The following CCDC141 variants were observed in gnomAD, a reference collection of about 807,000 sequenced individuals.
CCDC141 encodes coiled-coil domain-containing protein 141.
A neutral mutation model predicts 181.0 loss-of-function variants in CCDC141; 168 were observed. The observed-to-expected ratio is 0.93, with a 90% CI of 0.82 to 1.05. The LOEUF is 1.05. Ranked by LOEUF, CCDC141 falls within the 50% of genes least tolerant of loss-of-function variation. The pLI is 0.00. For missense variants in CCDC141, 1,902 were observed against 1,788.5 expected (o/e 1.06, Z -1.14); for synonymous variants, 666 against 642.3 (o/e 1.04, Z -0.56).
chr2:178,927,866 G>A (rs1264422390), intron 6 of CCDC141, among the ~76,000 whole-genome samples: 1 of 152,150 alleles, frequency 6.6e-6, no homozygotes, highest in Non-Finnish European at 1.5e-5. Flanking sequence ...TCTGGGCACC[G>A]AAGAAAAGAA....
chr2:178,849,326 C>T (rs1384635495), intron 21 of CCDC141, among the ~76,000 whole-genome samples: 2 of 152,178 alleles, frequency 1.3e-5, no homozygotes, highest in African/African-American at 4.8e-5. Context: ...AAATAATTTA[C>T]CCAAGGTCAC....
chr2:179,015,220 CATATATACCTCAT>C (rs1447265145), intron 2 of CCDC141, among the ~76,000 whole-genome samples: 2 of 124,040 alleles, frequency 1.6e-5, no homozygotes, highest in African/African-American at 3.2e-5. Context: ...TCATATATCT[CATATATACCTCAT>C]ATATATATCT....
chr2:178,947,037 G>GAATGAATACA (rs1433782719), intron 5 of CCDC141, among the ~76,000 whole-genome samples: 5 of 152,180 alleles, frequency 3.3e-5, no homozygotes, highest in African/African-American at 1.2e-4. Context: ...ATACACAGGA[G>GAATGAATACA]CAGACTCTTC....
At chr2:178,983,014 G>T (rs1310183936) in intron 2 of CCDC141, among the ~76,000 whole-genome samples, 1 of 152,186 alleles carries the variant, frequency 6.6e-6, no homozygotes, top group African/African-American at 2.4e-5. Context: ...TGGGGGCAGG[G>T]CACAGACAAA....
At chr2:178,877,876 T>G (rs759802164) in intron 12 of CCDC141, 88 bp downstream of exon 12, 5 of 1,292,004 alleles carry the variant, frequency 3.9e-6, no homozygotes, top group Non-Finnish European at 3.4e-6. Context: ...GAACTGCTGA[T>G]TAATAGACAG....
At position 178,946,913 on chromosome 2, in the gene CCDC141, C is replaced by T. The variant is rs142157760; in HGVS notation, c.781-2262G>A. Among the ~76,000 whole-genome samples, 860 of 152,264 alleles carry T rather than the reference C, an allele frequency of 5.6e-3. 11 individuals are homozygous for T. Among genetic ancestry groups the T allele is most frequent in the African/African-American group, 0.019 (809 of 41,538 alleles). ...GTTAAATCATGCTGACTCTCTAGAT[C>T]TACAAATTTTTACTACCAGATGCAC... On this transcript the variant is annotated intron_variant, in intron 5 of 23. Coordinates refer to ENST00000443758, the MANE Select transcript of CCDC141 (RefSeq NM_173648.4).
intron 1 of CCDC141, among the ~76,000 whole-genome samples, chr2:179,048,764 C>G (rs938179605): frequency 5.3e-5 from 8 of 152,170 alleles, no homozygotes; most frequent in African/African-American, 1.9e-4. Flanking sequence ...AGAAGTCTCA[C>G]AACACCAGAA....
intron 6 of CCDC141, among the ~76,000 whole-genome samples, chr2:178,925,990 T>TG (rs1355611806): frequency 6.6e-6 from 1 of 152,224 alleles, no homozygotes; most frequent in Non-Finnish European, 1.5e-5. Flanking sequence ...AGGGAGGGTC[T>TG]GTTTATGTTT....
At chr2:178,959,235 G>A (rs1424962317) in intron 5 of CCDC141, among the ~76,000 whole-genome samples, 4 of 151,502 alleles carry the variant, frequency 2.6e-5, no homozygotes, top group Non-Finnish European at 5.9e-5. Flanking sequence ...TGGCACATGT[G>A]TACATATGTA....
At chr2:178,927,463 G>A (rs567011783) in intron 6 of CCDC141, among the ~76,000 whole-genome samples, 32 of 152,204 alleles carry the variant, frequency 2.1e-4, no homozygotes, top group Non-Finnish European at 1.8e-4. Context: ...GTGGGCCTGG[G>A]GAGAGAGCAA....
chr2:178,825,604 A>G (rs1434457013), downstream of CCDC141: 1 of 137,496 alleles, frequency 7.3e-6, no homozygotes, highest in Non-Finnish European at 1.6e-5. Context: ...TACCTCTCCC[A>G]AATCTGCCCC....
chr2:178,908,762 A>G (rs1263994284), intron 7 of CCDC141, among the ~76,000 whole-genome samples: 2 of 152,228 alleles, frequency 1.3e-5, no homozygotes, highest in Admixed American at 1.3e-4. Flanking sequence ...GAAAATTCCA[A>G]AGTGCTTTTT....
At chr2:178,891,481 AT>A (rs1289976230) in intron 8 of CCDC141, among the ~76,000 whole-genome samples, 1 of 152,054 alleles carries the variant, frequency 6.6e-6, no homozygotes, top group Non-Finnish European at 1.5e-5. Context: ...CTCCTCTAAA[AT>A]TTCACTTTGC....
chr2:178,961,576 T>C, intron 4 of CCDC141, 93 bp from the exon 5 acceptor site: 1 of 1,015,624 alleles, frequency 9.8e-7, no homozygotes, highest in East Asian at 2.7e-5. Context: ...ATATATGTAA[T>C]TTTTATGTTA....
At chr2:178,864,227 C>G (rs952129429) in intron 17 of CCDC141, among the ~76,000 whole-genome samples, 3 of 150,190 alleles carry the variant, frequency 2.0e-5, no homozygotes, top group Admixed American at 6.7e-5. Context: ...GGAGGGAAAA[C>G]GGGAAGAAAG....
At chr2:178,900,576 C>T (rs1558965843) in intron 8 of CCDC141, among the ~76,000 whole-genome samples, 1 of 152,042 alleles carries the variant, frequency 6.6e-6, no homozygotes, top group Admixed American at 6.6e-5. Flanking sequence ...AGCAAATAAA[C>T]GTATCAGCCA....
intron 2 of CCDC141, among the ~76,000 whole-genome samples, chr2:179,020,942 G>A (rs1490988737): frequency 6.6e-6 from 1 of 152,114 alleles, no homozygotes; most frequent in Non-Finnish European, 1.5e-5. Flanking sequence ...AGGGATGTAA[G>A]GAAAACCTTG....
chr2:178,868,541 T>C (rs987418968), intron 15 of CCDC141, among the ~76,000 whole-genome samples: 33 of 144,306 alleles, frequency 2.3e-4, no homozygotes, highest in African/African-American at 8.5e-4. Context: ...ATAGAGACCA[T>C]AACTATGAAG....
At chr2:179,013,301 T>C (rs1052619723) in intron 2 of CCDC141, among the ~76,000 whole-genome samples, 2 of 152,072 alleles carry the variant, frequency 1.3e-5, no homozygotes, top group African/African-American at 4.8e-5. Context: ...CACAAATCAG[T>C]AGCTCTTCTA....
Sources: allele counts gnomAD v4.1 joint callset (sites outside exome capture counted in the v4.1 genomes callset), GRCh38; gene constraint gnomAD v4.1.1; transcripts MANE v1.5; gene names NCBI Gene and HGNC (gene_info 2026-07-23, HGNC 2026-07-21).